Variants in DOCK3 observed in about 807,000 individuals in gnomAD.
The protein encoded by DOCK3 is dedicator of cytokinesis protein 3.
DOCK3 carries 60 observed loss-of-function variants against 265.6 expected under a neutral mutation model. The observed-to-expected ratio is 0.23, with a 90% CI of 0.18 to 0.28. The LOEUF (loss-of-function observed/expected upper bound fraction) is 0.28, where lower values mean the gene tolerates loss of function less well. Among genes scored for constraint, DOCK3 ranks in the 10% least tolerant of loss-of-function variants. The pLI, the probability that DOCK3 is intolerant of heterozygous loss-of-function variation, is 1.00. For missense variants in DOCK3, 1,981 were observed against 2,594.3 expected (o/e 0.76, Z 5.14); for synonymous variants, 881 against 938.0 (o/e 0.94, Z 1.11).
At chr3:50,896,057 A>G (rs1322109277) in intron 4 of DOCK3, among the ~76,000 whole-genome samples, 1 of 152,130 alleles carries the variant, frequency 6.6e-6, no homozygotes, top group Non-Finnish European at 1.5e-5. Flanking sequence ...TGCTGGGTCA[A>G]TTTGTATTTC....
intron 46 of DOCK3, 73 bp downstream of exon 46, chr3:51,358,150 C>A: frequency 3.4e-6 from 5 of 1,486,992 alleles, no homozygotes; most frequent in East Asian, 2.3e-5. Flanking sequence ...CGCCACAAAC[C>A]AAAGGAAAAT....
chr3:51,236,555 T>A, intron 20 of DOCK3, 127 bp downstream of exon 20: 1 of 893,832 alleles, frequency 1.1e-6, no homozygotes, highest in Non-Finnish European at 1.7e-6. Context: ...GAAAAGGGAC[T>A]AAGGACTGTC....
chr3:51,358,906 T>C (rs1265283961), intron 46 of DOCK3, among the ~76,000 whole-genome samples: 1 of 152,230 alleles, frequency 6.6e-6, no homozygotes, highest in East Asian at 1.9e-4. Flanking sequence ...CATTTTCAAC[T>C]GTGGGGCTGA....
chr3:51,004,238 G>C (rs528697972), intron 5 of DOCK3, among the ~76,000 whole-genome samples: 2 of 151,940 alleles, frequency 1.3e-5, no homozygotes, highest in African/African-American at 4.8e-5. Context: ...ATCACTCTGG[G>C]GGAATCCAGC....
intron 36 of DOCK3, 93 bp downstream of exon 36, chr3:51,338,512 G>T (rs2085014411): frequency 1.4e-6 from 2 of 1,412,068 alleles, no homozygotes; most frequent in African/African-American, 2.8e-5. Flanking sequence ...ATACATGGCT[G>T]CAGGCCTAAG....
At chr3:51,090,184 A>C (rs1402113557) in intron 8 of DOCK3, 46 bp from the exon 9 acceptor site, 1 of 1,509,604 alleles carries the variant, frequency 6.6e-7, no homozygotes, top group East Asian at 2.5e-5. Flanking sequence ...ATCAATATAA[A>C]AAATAACTAA....
chr3:50,750,079 G>A (rs2039692970), intron 1 of DOCK3, among the ~76,000 whole-genome samples: 1 of 152,124 alleles, frequency 6.6e-6, no homozygotes, highest in East Asian at 1.9e-4. Context: ...AGATCAGCAG[G>A]GGTGTTAGAT....
chr3:51,132,687 A>C (rs1474117809), intron 9 of DOCK3, among the ~76,000 whole-genome samples: 1 of 152,218 alleles, frequency 6.6e-6, no homozygotes, highest in Non-Finnish European at 1.5e-5. Flanking sequence ...AGTTCTTATC[A>C]TGCAAGTGGC....
At chr3:50,714,782 A>G (rs976978257) in intron 1 of DOCK3, among the ~76,000 whole-genome samples, 6 of 152,066 alleles carry the variant, frequency 3.9e-5, no homozygotes, top group African/African-American at 1.4e-4. Context: ...GTATTATCCA[A>G]CCAATCAAGT....
chr3:51,225,713 T>C lies in DOCK3; in HGVS notation c.1317T>C (p.Ser439=), dbSNP rs1438105472. The C allele has an allele frequency of 1.9e-6, 3 of 1,613,388 alleles. No individual in the cohort carries two copies. Among genetic ancestry groups the C allele is most frequent in the Admixed American group, 3.3e-5 (2 of 59,960 alleles). ...GGGATTTCGAGAGAGGAGGAAAGAG[T>C]GTACAAAAGAATATTGAAGTGACCA... The part of the protein sequence containing the change: ...EKGDFERGGK[S]VQKNIEVTMY... The change falls in exon 15 of 53, where the codon AGT becomes AGC. Residue 439 remains serine (S), a synonymous_variant. Transcript: ENST00000266037.
intron 3 of DOCK3, among the ~76,000 whole-genome samples, chr3:50,862,199 G>A (rs1464146243): frequency 6.6e-6 from 1 of 152,208 alleles, no homozygotes; most frequent in African/African-American, 2.4e-5. Flanking sequence ...GGGGGCCAAA[G>A]CTCTGTATGT....
chr3:50,871,685 C>T (rs2047438836), intron 3 of DOCK3, among the ~76,000 whole-genome samples: 1 of 152,036 alleles, frequency 6.6e-6, no homozygotes, highest in South Asian at 2.1e-4. Context: ...TTTCTAAAAC[C>T]TGTCATCTTG....
intron 9 of DOCK3, among the ~76,000 whole-genome samples, chr3:51,120,749 G>T (rs1223806211): frequency 1.3e-5 from 2 of 152,134 alleles, no homozygotes; most frequent in East Asian, 3.9e-4. Context: ...ACATCCTGGT[G>T]ACTTGGTTTA....
At chr3:51,372,026 G>A (rs925113502) in intron 49 of DOCK3, among the ~76,000 whole-genome samples, 11 of 152,206 alleles carry the variant, frequency 7.2e-5, no homozygotes, top group African/African-American at 2.7e-4. Flanking sequence ...GAGTAGTCCT[G>A]TCTAGAGCTG....
At chr3:50,690,616 C>T (rs1559516783) in intron 1 of DOCK3, among the ~76,000 whole-genome samples, 5 of 151,900 alleles carry the variant, frequency 3.3e-5, no homozygotes, top group Admixed American at 2.6e-4. Flanking sequence ...TTCATTCATT[C>T]GTTCGTTCGT....
chr3:50,891,575 A>G (rs1291509119), intron 4 of DOCK3, among the ~76,000 whole-genome samples: 1 of 152,134 alleles, frequency 6.6e-6, no homozygotes, highest in African/African-American at 2.4e-5. Context: ...AAAAGAGAGT[A>G]TTTCGACTTG....
At chr3:50,714,624 A>G (rs113350084) in intron 1 of DOCK3, among the ~76,000 whole-genome samples, 1 of 152,094 alleles carries the variant, frequency 6.6e-6, no homozygotes, top group Non-Finnish European at 1.5e-5. Context: ...TAATTTTTAA[A>G]TTTTTTTGTA....
At chr3:50,739,321 A>T (rs2038861428) in intron 1 of DOCK3, among the ~76,000 whole-genome samples, 1 of 150,672 alleles carries the variant, frequency 6.6e-6, no homozygotes, top group African/African-American at 2.4e-5. Context: ...AACTGTGTTT[A>T]TTTTTTTTTA....
intron 2 of DOCK3, among the ~76,000 whole-genome samples, chr3:50,819,865 G>A (rs1221724915): frequency 1.3e-5 from 2 of 152,212 alleles, no homozygotes; most frequent in Non-Finnish European, 2.9e-5. Flanking sequence ...AGGAGGCTGA[G>A]GCAGGAGAAT....
Sources: allele counts gnomAD v4.1 joint callset (sites outside exome capture counted in the v4.1 genomes callset), GRCh38; gene constraint gnomAD v4.1.1; transcripts MANE v1.5; gene names NCBI Gene and HGNC (gene_info 2026-07-23, HGNC 2026-07-21).